LSMEM2: variants seen among roughly 807,000 people sequenced by gnomAD.
LSMEM2 encodes the protein leucine rich single-pass membrane protein 2, also known as leucine-rich single-pass membrane protein 2.
Under a neutral mutation model 17.3 loss-of-function variants are expected in LSMEM2, and 20 were observed. That is an observed-to-expected ratio of 1.16 (90% confidence interval 0.81 to 1.68). The LOEUF (loss-of-function observed/expected upper bound fraction) is 1.68. Ranked by LOEUF, LSMEM2 falls within the 40% of genes most tolerant of loss-of-function variation. The probability of loss-of-function intolerance (pLI) is 0.00; values close to 1 mark genes in which losing one functional copy is unlikely to be tolerated. For missense variants in LSMEM2, 207 were observed against 214.3 expected, an observed-to-expected ratio of 0.97 and a Z score of 0.21; for synonymous variants, 94 against 97.8, an observed-to-expected ratio of 0.96 and a Z score of 0.23.
intron 1 of LSMEM2, among the ~76,000 whole-genome samples, chr3:50,286,058 A>G (rs1287744267): frequency 6.6e-6 from 1 of 152,270 alleles, no homozygotes; most frequent in African/African-American, 2.4e-5. Context: ...CAGGAGGGAA[A>G]GGCACCAGAG....
Position 50,286,837 on chromosome 3 carries a change from C to G in LSMEM2, c.336C>G (p.Leu112=), listed in dbSNP as rs782525324. 1 of 1,613,696 alleles carries G rather than the reference C, an allele frequency of 6.2e-7. No homozygotes were observed. The highest frequency in any genetic ancestry group is 8.5e-7 in the Non-Finnish European group (1 of 1,180,020). Residue 112 remains leucine, a synonymous_variant, in exon 3 of 4, where the codon CTC becomes CTG. Coordinates refer to ENST00000316436, the MANE Select transcript of LSMEM2 (RefSeq NM_153215.3). The stretch of plus-strand genomic sequence containing the variant: ...TGCTGGTGCTCACTTGCCTAGTGCT[C>G]GCACTCCTGGCTGTCTACCTGAGCG... ...LALLVLTCLV[L]ALLAVYLSVL... is the part of the protein sequence containing the mutation.
rs1455330152 is a variant in LSMEM2, at chr3:50,287,272, TC to T, written c.*72del. The T allele has an allele frequency of 3.8e-6, 6 of 1,580,524 alleles. No homozygotes were observed. Among genetic ancestry groups the T allele is most frequent in the Non-Finnish European group, 5.2e-6 (6 of 1,154,140 alleles). Reference sequence around the variant, plus strand: ...AATAAAGTGGCTATGGGCAGGTCTCTCCTTCCCTACTGCTGGCTGCCACATC... The same window carrying T: ...AATAAAGTGGCTATGGGCAGGTCTCTCTTCCCTACTGCTGGCTGCCACATC... On this transcript the variant is annotated 3_prime_UTR_variant, in exon 4 of 4. Coordinates refer to ENST00000316436, the MANE Select transcript of LSMEM2 (RefSeq NM_153215.3).
chr3:50,286,385 CGCAAGTCCTTGCT>C, intron 1 of LSMEM2, 73 bp from the exon 2 acceptor site: 1 of 1,486,456 alleles, frequency 6.7e-7, no homozygotes, highest in African/African-American at 1.4e-5. Context: ...CCCTATCATC[CGCAAGTCCTTGCT>C]GCCTGAAGCC....
intron 1 of LSMEM2, among the ~76,000 whole-genome samples, chr3:50,283,859 A>C (rs1553708064): frequency 1.3e-5 from 2 of 152,124 alleles, no homozygotes; most frequent in African/African-American, 2.4e-5. Flanking sequence ...ATCAAAAGAA[A>C]AGTACACAGA....
chr3:50,280,885 G>A (rs781921123), intron 1 of LSMEM2, among the ~76,000 whole-genome samples: 13 of 151,792 alleles, frequency 8.6e-5, no homozygotes, highest in South Asian at 6.2e-4. Flanking sequence ...GAGCTACCGC[G>A]CCCGGCCAGC....
At chr3:50,284,575 CA>C (rs1258817388) in intron 1 of LSMEM2, among the ~76,000 whole-genome samples, 1 of 151,404 alleles carries the variant, frequency 6.6e-6, no homozygotes, top group African/African-American at 2.4e-5. Context: ...ACAAAAAATA[CA>C]AAAAAAATTA....
chr3:50,283,418 G>A (rs782631079), intron 1 of LSMEM2, among the ~76,000 whole-genome samples: 46 of 152,120 alleles, frequency 3.0e-4, no homozygotes, highest in Non-Finnish European at 1.8e-4. Flanking sequence ...ACAAGGTTAG[G>A]AGATCGAGAC....
At chr3:50,286,399 G>C (rs900552605) in intron 1 of LSMEM2, 72 bp from the exon 2 acceptor site, 8 of 1,506,326 alleles carry the variant, frequency 5.3e-6, no homozygotes, top group Non-Finnish European at 7.1e-6. Context: ...AGTCCTTGCT[G>C]CCTGAAGCCA....
At position 50,288,033 on chromosome 3, in the gene LSMEM2, A is replaced by G; in HGVS notation, c.*831A>G. 1.5e-6 allele frequency: 1 copy of G among 656,426 alleles called. No individual in the cohort carries two copies. The highest frequency in any genetic ancestry group is 1.8e-5 in the South Asian group (1 of 56,530). 40.7% of individuals were successfully genotyped at this position (656,426 alleles called of 1,614,324 possible). ...CAGGGACAAAGGGGTCAGGGTCCCA[A>G]GTGTCCGGGCCCCCAGCTACCCACC... is the stretch of plus-strand genomic sequence containing the variant. On this transcript the variant is annotated 3_prime_UTR_variant, in exon 4 of 4. Coordinates refer to ENST00000316436, the MANE Select transcript of LSMEM2 (RefSeq NM_153215.3).
intron 1 of LSMEM2, among the ~76,000 whole-genome samples, chr3:50,283,151 C>T (rs1173132191): frequency 6.6e-6 from 1 of 152,006 alleles, no homozygotes; most frequent in African/African-American, 2.4e-5. Flanking sequence ...CGCCACTGCA[C>T]TCCAGCATGG....
At chr3:50,280,177 C>CTTTT (rs10656924) in intron 1 of LSMEM2, among the ~76,000 whole-genome samples, 3 of 117,668 alleles carry the variant, frequency 2.5e-5, no homozygotes. Flanking sequence ...CTGGCCTCAA[C>CTTTT]TTTTTTTTTT....
intron 1 of LSMEM2, among the ~76,000 whole-genome samples, chr3:50,284,701 C>G (rs1701476359): frequency 6.6e-6 from 1 of 152,034 alleles, no homozygotes; most frequent in South Asian, 2.1e-4. Context: ...CCACTGAACT[C>G]CAGCCTGGGT....
At position 50,288,020 on chromosome 3, in the gene LSMEM2, G is replaced by A. The variant is rs1307725876; in HGVS notation, c.*818G>A. The stretch of plus-strand genomic sequence containing the variant: ...ACAGGGCTGAGTGCAGGGACAAAGG[G>A]GTCAGGGTCCCAAGTGTCCGGGCCC... On this transcript the variant is annotated 3_prime_UTR_variant, in exon 4 of 4. Coordinates refer to ENST00000316436, the MANE Select transcript of LSMEM2 (RefSeq NM_153215.3). The A allele has an allele frequency of 3.2e-6, 2 of 629,266 alleles. No individual in the cohort carries two copies. Among genetic ancestry groups the A allele is most frequent in the African/African-American group, 1.8e-5 (1 of 54,974 alleles). The allele number at this position is 629,266 out of a possible 1,614,324, so 39.0% of individuals were successfully genotyped here.
At chr3:50,282,645 G>C (rs988810979) in intron 1 of LSMEM2, among the ~76,000 whole-genome samples, 1 of 152,198 alleles carries the variant, frequency 6.6e-6, no homozygotes, top group Non-Finnish European at 1.5e-5. Flanking sequence ...AGCACTTTGG[G>C]AGGACAAGAT....
chr3:50,286,401 C>A, intron 1 of LSMEM2, 70 bp from the exon 2 acceptor site: 1 of 1,507,798 alleles, frequency 6.6e-7, no homozygotes, highest in Non-Finnish European at 8.9e-7. Context: ...TCCTTGCTGC[C>A]TGAAGCCACC....
intron 1 of LSMEM2, among the ~76,000 whole-genome samples, chr3:50,280,591 T>C (rs1430380412): frequency 3.3e-5 from 5 of 150,062 alleles, no homozygotes; most frequent in African/African-American, 1.2e-4. Flanking sequence ...TTGGCCTTTC[T>C]TTTCTTTTTT....
In LSMEM2 at chr3:50,287,735, A is replaced by G. The variant is rs1701582514; in HGVS notation, c.*533A>G. ...AGAACAGAAAAATACCCAGGGGTTAAGACCACAGAAGGCTGACCGTTCTGT... is the reference window on the plus strand; with the variant it reads ...AGAACAGAAAAATACCCAGGGGTTAGGACCACAGAAGGCTGACCGTTCTGT... On this transcript the variant is annotated 3_prime_UTR_variant, in exon 4 of 4. Transcript: ENST00000316436. 4.7e-6 allele frequency: 1 copy of G among 214,594 alleles called. No homozygotes were observed. 13.3% of individuals were successfully genotyped at this position (214,594 alleles called of 1,614,324 possible).
chr3:50,287,127 A>C lies in LSMEM2; in HGVS notation c.420A>C (p.Thr140=), dbSNP rs1701568420. Residue 140 remains threonine, a synonymous_variant, in exon 4 of 4, where the codon ACA becomes ACC. Coordinates refer to ENST00000316436, the MANE Select transcript of LSMEM2 (RefSeq NM_153215.3). ...ACACGCTCCGCACGCAGGAGGAGACACTACTCAAACTCCGCTTGGCCAGCC... is the reference window on the plus strand; with the variant it reads ...ACACGCTCCGCACGCAGGAGGAGACCCTACTCAAACTCCGCTTGGCCAGCC... ...LAHTLRTQEE[T]LLKLRLASLS... is the part of the protein sequence containing the mutation. 6.2e-7 allele frequency: 1 copy of C among 1,614,094 alleles called. No homozygotes were observed. Among genetic ancestry groups the C allele is most frequent in the African/African-American group, 1.3e-5 (1 of 75,024 alleles).
intron 1 of LSMEM2, among the ~76,000 whole-genome samples, chr3:50,282,572 GAAC>G (rs1701426153): frequency 6.6e-6 from 1 of 152,134 alleles, no homozygotes; most frequent in East Asian, 1.9e-4. Context: ...TCAAGTTAAA[GAAC>G]AACTAGAAGA....
Sources: allele counts gnomAD v4.1 joint callset (sites outside exome capture counted in the v4.1 genomes callset), GRCh38; gene constraint gnomAD v4.1.1; transcripts MANE v1.5; gene names NCBI Gene and HGNC (gene_info 2026-07-23, HGNC 2026-07-21).